RIMS1: variants seen among roughly 807,000 people sequenced by gnomAD.
RIMS1 encodes the protein regulating synaptic membrane exocytosis protein 1.
A neutral mutation model predicts 214.1 loss-of-function variants in RIMS1; 83 were observed. The ratio of observed to expected loss-of-function variants is 0.39; its 90% CI spans 0.32 to 0.47. The LOEUF is 0.47. Among genes scored for constraint, RIMS1 ranks in the 20% least tolerant of loss-of-function variants. RIMS1 has a pLI of 0.99. For synonymous variants in RIMS1, 793 were observed against 786.8 expected (o/e 1.01, Z -0.13); for missense variants, 2,050 against 2,161.8 (o/e 0.95, Z 1.03).
rs75385060 is a variant in RIMS1 at position 72,199,300 on chromosome 6, G to A, written c.1678+16151G>A. On this transcript the variant is annotated intron_variant, in intron 6 of 33. Coordinates refer to ENST00000521978, the MANE Select transcript of RIMS1 (RefSeq NM_014989.7). Reference sequence around the variant, plus strand: ...CAAGAAAAAATATGATGTAATTTAAGTAACTGATACAGCCAATTGGGCCAT... The same window carrying A: ...CAAGAAAAAATATGATGTAATTTAAATAACTGATACAGCCAATTGGGCCAT... Among the ~76,000 whole-genome samples the A allele has an allele frequency of 1.3e-4, 20 of 152,210 alleles. No individual in the cohort carries two copies. The East Asian group carries it at 3.7e-3, about 28-fold the overall frequency.
Position 71,928,974 on chromosome 6 carries a change from A to G in RIMS1, c.165-40009A>G, listed in dbSNP as rs186704072. 1.9e-3 allele frequency among the ~76,000 whole-genome samples: 293 copies of G among 152,290 alleles called. 1 individual carries two copies. The highest frequency in any genetic ancestry group is 6.9e-3 in the African/African-American group (286 of 41,576). ...GTTAATGTGTCATCAGGAATTTACT[A>G]TATGTCAAAAACATGCTCACATTGT... On this transcript the variant is annotated intron_variant, in intron 1 of 33. Transcript: ENST00000521978.
In RIMS1 at chr6:72,290,697, T is replaced by C; in HGVS notation, c.3573T>C (p.Leu1191=). 1 of 1,613,594 alleles carries C rather than the reference T, an allele frequency of 6.2e-7. No individual in the cohort carries two copies. The highest frequency in any genetic ancestry group is 8.5e-7 in the Non-Finnish European group (1 of 1,179,678). ...SDAERVLPTC[L]SRRGHAAPRA... ...GTTTTAGGGTTCTCCCAACATGTCT[T>C]TCTAGAAGGGGACACGCAGCCCCAA... Residue 1191 remains leucine (L), a synonymous_variant, in exon 25 of 34, where the codon CTT becomes CTC. Coordinates refer to ENST00000521978, the MANE Select transcript of RIMS1 (RefSeq NM_014989.7).
At chr6:72,080,250 C>T (rs896446055) in intron 2 of RIMS1, among the ~76,000 whole-genome samples, 6 of 151,844 alleles carry the variant, frequency 4.0e-5, no homozygotes, top group African/African-American at 1.2e-4. Context: ...GGCAACACAG[C>T]GCGACTCCAT....
intron 22 of RIMS1, among the ~76,000 whole-genome samples, chr6:72,266,706 G>A (rs1279508702): frequency 6.6e-6 from 1 of 152,014 alleles, no homozygotes; most frequent in South Asian, 2.1e-4. Context: ...TTGATGTTGT[G>A]TTACACTATC....
At chr6:72,240,805 T>C (rs2066535098) in intron 9 of RIMS1, among the ~76,000 whole-genome samples, 1 of 151,818 alleles carries the variant, frequency 6.6e-6, no homozygotes, top group South Asian at 2.1e-4. Context: ...GTTTAGGAGT[T>C]CAGGAGACCT....
intron 31 of RIMS1, among the ~76,000 whole-genome samples, chr6:72,393,062 C>A (rs1328790757): frequency 7.1e-6 from 1 of 140,776 alleles, no homozygotes; most frequent in African/African-American, 2.6e-5. Context: ...AAATGTAGGA[C>A]ATGGGTGGCA....
intron 15 of RIMS1, among the ~76,000 whole-genome samples, chr6:72,251,802 C>G (rs1040753822): frequency 3.3e-5 from 5 of 151,942 alleles, no homozygotes; most frequent in African/African-American, 9.7e-5. Context: ...CCTGCACCTC[C>G]CGGGTTTAAG....
At chr6:72,340,612 C>T (rs879285246) in intron 29 of RIMS1, among the ~76,000 whole-genome samples, 6 of 150,330 alleles carry the variant, frequency 4.0e-5, no homozygotes, top group South Asian at 4.2e-4. Context: ...CGGCATTATG[C>T]GAGGGCTCTG....
At chr6:71,984,354 G>C (rs1203342681) in intron 2 of RIMS1, among the ~76,000 whole-genome samples, 2 of 142,302 alleles carry the variant, frequency 1.4e-5, no homozygotes, top group Non-Finnish European at 3.1e-5. Flanking sequence ...TGAAGGAAAA[G>C]AAAAAAAAAA....
At chr6:72,185,437 G>A (rs2048962225) in intron 6 of RIMS1, among the ~76,000 whole-genome samples, 1 of 152,130 alleles carries the variant, frequency 6.6e-6, no homozygotes, top group African/African-American at 2.4e-5. Flanking sequence ...AAAAAAAAAG[G>A]TGTGGGGTGA....
chr6:72,368,477 G>A (rs551597138), intron 29 of RIMS1, among the ~76,000 whole-genome samples: 13 of 150,050 alleles, frequency 8.7e-5, no homozygotes, highest in African/African-American at 2.7e-4. Flanking sequence ...TCTATTTTTA[G>A]TAGAGAAGGG....
At chr6:72,012,758 A>G (rs946385607) in intron 2 of RIMS1, among the ~76,000 whole-genome samples, 3 of 152,182 alleles carry the variant, frequency 2.0e-5, no homozygotes, top group Non-Finnish European at 4.4e-5. Context: ...ATGTGATGTG[A>G]AGCCTTTGAG....
intron 1 of RIMS1, among the ~76,000 whole-genome samples, chr6:71,961,450 A>C (rs1792934961): frequency 6.6e-6 from 1 of 151,926 alleles, no homozygotes; most frequent in African/African-American, 2.4e-5. Flanking sequence ...TTACTCACCT[A>C]GATTTGTACC....
chr6:72,319,806 A>G (rs187602586), intron 28 of RIMS1, among the ~76,000 whole-genome samples: 63 of 152,152 alleles, frequency 4.1e-4, no homozygotes, highest in African/African-American at 1.3e-3. Context: ...GGATTTTCAT[A>G]CAAGTGTAAT....
chr6:72,219,948 T>C (rs1315118006), intron 6 of RIMS1, among the ~76,000 whole-genome samples: 2 of 152,140 alleles, frequency 1.3e-5, no homozygotes, highest in Non-Finnish European at 2.9e-5. Context: ...GAAGAGATGT[T>C]AGTACATTTG....
chr6:72,215,066 A>G (rs558390468), intron 6 of RIMS1, among the ~76,000 whole-genome samples: 1 of 152,336 alleles, frequency 6.6e-6, no homozygotes, highest in East Asian at 1.9e-4. Flanking sequence ...ATTATATGGT[A>G]GCGATTTCAA....
intron 2 of RIMS1, among the ~76,000 whole-genome samples, chr6:72,071,468 A>G (rs1030945887): frequency 1.3e-5 from 2 of 152,178 alleles, no homozygotes; most frequent in Non-Finnish European, 2.9e-5. Context: ...TCACAATCTA[A>G]AAGTATTTTG....
intron 10 of RIMS1, among the ~76,000 whole-genome samples, chr6:72,243,512 A>G (rs1312648172): frequency 6.6e-6 from 1 of 151,826 alleles, no homozygotes; most frequent in Non-Finnish European, 1.5e-5. Context: ...TGCTAGTTTT[A>G]CATGACATAT....
intron 1 of RIMS1, among the ~76,000 whole-genome samples, chr6:71,957,363 G>GCAGATTT (rs930611160): frequency 2.0e-5 from 3 of 152,096 alleles, no homozygotes; most frequent in African/African-American, 7.2e-5. Flanking sequence ...TTACATAAAG[G>GCAGATTT]CAGATTTCAG....
Sources: gnomAD v4.1 joint callset for allele counts (sites outside exome capture counted in the v4.1 genomes callset) on GRCh38, gnomAD v4.1.1 for gene constraint, MANE v1.5 for transcripts, NCBI Gene and HGNC (gene_info 2026-07-23, HGNC 2026-07-21) for gene names.